The following LIN9 variants were observed in gnomAD, a reference collection of about 807,000 sequenced individuals.
LIN9 encodes protein lin-9 homolog.
In LIN9, 18 loss-of-function variants were observed where a neutral mutation model predicts 78.0. The observed-to-expected ratio is 0.23, with a 90% CI of 0.16 to 0.34. The LOEUF (loss-of-function observed/expected upper bound fraction) is 0.34, where lower values mean the gene tolerates loss of function less well. Ranked by LOEUF, LIN9 falls within the 10% of genes least tolerant of loss-of-function variation. The probability of loss-of-function intolerance (pLI) is 1.00; values close to 1 mark genes in which losing one functional copy is unlikely to be tolerated. For missense variants in LIN9, 451 were observed against 644.1 expected (o/e 0.70, Z 3.25); for synonymous variants, 192 against 215.2 (o/e 0.89, Z 0.94).
intron 10 of LIN9, among the ~76,000 whole-genome samples, chr1:226,262,752 C>G (rs1659670019): frequency 6.6e-6 from 1 of 152,198 alleles, no homozygotes; most frequent in Non-Finnish European, 1.5e-5. Context: ...TAAGCATACT[C>G]TTACCATATG....
chr1:226,232,631 A>C, intron 14 of LIN9, 25 bp from the exon 15 acceptor site: 8 of 1,428,418 alleles, frequency 5.6e-6, no homozygotes, highest in Non-Finnish European at 7.7e-6. Context: ...AACATGGTTA[A>C]CTACTTTATT....
chr1:226,274,273 T>C (rs979262847), intron 7 of LIN9, among the ~76,000 whole-genome samples: 5 of 152,256 alleles, frequency 3.3e-5, no homozygotes, highest in Non-Finnish European at 7.3e-5. Flanking sequence ...TTACATAAGA[T>C]ATCATGTAAT....
At chr1:226,264,618 G>T (rs1011216148) in intron 10 of LIN9, among the ~76,000 whole-genome samples, 5 of 152,108 alleles carry the variant, frequency 3.3e-5, no homozygotes, top group East Asian at 3.9e-4. Flanking sequence ...GGCCAAGGTG[G>T]GGGGATCACT....
At chr1:226,277,232 A>C (rs1448802369) in intron 7 of LIN9, among the ~76,000 whole-genome samples, 1 of 151,404 alleles carries the variant, frequency 6.6e-6, no homozygotes, top group African/African-American at 2.4e-5. Context: ...AAAAAAAAAA[A>C]AAAACTTTAA....
At chr1:226,295,432 G>C (rs1173336087) in intron 4 of LIN9, among the ~76,000 whole-genome samples, 3 of 151,942 alleles carry the variant, frequency 2.0e-5, no homozygotes, top group Non-Finnish European at 4.4e-5. Flanking sequence ...CTGGGCGACA[G>C]AGTGAGACTC....
intron 11 of LIN9, among the ~76,000 whole-genome samples, chr1:226,245,933 TCTTTTA>T (rs1300496060): frequency 6.6e-6 from 1 of 152,220 alleles, no homozygotes; most frequent in African/African-American, 2.4e-5. Flanking sequence ...TAAATATTCA[TCTTTTA>T]CTATTATTTT....
At chr1:226,282,105 C>A (rs1661103205) in intron 6 of LIN9, among the ~76,000 whole-genome samples, 1 of 152,098 alleles carries the variant, frequency 6.6e-6, no homozygotes, top group Admixed American at 6.6e-5. Flanking sequence ...GTGTATTTTG[C>A]TTTCTTTTCT....
intron 4 of LIN9, among the ~76,000 whole-genome samples, chr1:226,293,770 C>G (rs1230941682): frequency 6.6e-6 from 1 of 152,140 alleles, no homozygotes; most frequent in Non-Finnish European, 1.5e-5. Context: ...GTTGGCCAGA[C>G]TCGTCTCAAA....
intron 7 of LIN9, among the ~76,000 whole-genome samples, chr1:226,275,693 G>GAAAAAAAA (rs1272770989): frequency 3.8e-4 from 49 of 128,648 alleles, no homozygotes; most frequent in Non-Finnish European, 5.5e-4. Context: ...CTCCGTCTCA[G>GAAAAAAAA]AAAAAAAAAA....
intron 7 of LIN9, among the ~76,000 whole-genome samples, chr1:226,277,509 C>T (rs1162501594): frequency 1.3e-5 from 2 of 152,086 alleles, no homozygotes; most frequent in Non-Finnish European, 2.9e-5. Flanking sequence ...CCCATGTGTA[C>T]GTGTAAACAC....
upstream of LIN9, chr1:226,309,336 C>T: frequency 5.0e-6 from 5 of 994,330 alleles, no homozygotes; most frequent in Non-Finnish European, 6.0e-6. Flanking sequence ...CGAAGGGGGG[C>T]CGCGCCTCGC....
chr1:226,283,317 G>T lies in LIN9; in HGVS notation c.524+3016C>A, dbSNP rs577729924. Among the ~76,000 whole-genome samples, 70 of 139,024 alleles carry T rather than the reference G, an allele frequency of 5.0e-4. 1 individual carries two copies. Among genetic ancestry groups the T allele is most frequent in the African/African-American group, 1.8e-3 (65 of 37,008 alleles). The allele number at this position is 139,024 out of a possible 152,430, so 91.2% of individuals were successfully genotyped here. On this transcript the variant is annotated intron_variant, in intron 6 of 14. Coordinates refer to ENST00000681046, the MANE Select transcript of LIN9 (RefSeq NM_001366245.2). ...TTTTTTTTTTTTTTGGTGGAGATGG[G>T]GTCTCACCATGGTGCCCAGGCTGGT...
intron 3 of LIN9, among the ~76,000 whole-genome samples, chr1:226,296,342 C>G (rs1662145262): frequency 6.6e-6 from 1 of 151,986 alleles, no homozygotes; most frequent in South Asian, 2.1e-4. Flanking sequence ...TGGGCTGGGC[C>G]AAAGGTTCTA....
chr1:226,234,578 G>A (rs1221314407), intron 12 of LIN9, among the ~76,000 whole-genome samples: 4 of 152,090 alleles, frequency 2.6e-5, no homozygotes, highest in Admixed American at 6.6e-5. Flanking sequence ...AAGGTGGGCC[G>A]GGCTCATCTT....
intron 7 of LIN9, 49 bp downstream of exon 7, chr1:226,277,726 T>C (rs769468524): frequency 2.6e-6 from 4 of 1,509,510 alleles, no homozygotes; most frequent in South Asian, 1.2e-5. Context: ...AAAGATTACC[T>C]TGATTAAAAA....
chr1:226,233,498 G>A lies in LIN9; in HGVS notation c.1271C>T (p.Pro424Leu). ...YELAPDQGLQ[P>L]ADQPTDMRRR... ...TCTCATATCTGTTGGCTGATCTGCA[G>A]GCTGGAGCCCCTGGTCTGGAGCAAG... Residue 424 changes from proline to leucine, a missense_variant, in exon 13 of 15, where the codon CCT becomes CTT. Transcript: ENST00000681046. 1 of 1,613,794 alleles carries A rather than the reference G, an allele frequency of 6.2e-7. No homozygotes were observed. The highest frequency in any genetic ancestry group is 8.5e-7 in the Non-Finnish European group (1 of 1,179,898).
At chr1:226,242,680 G>A (rs1184215952) in intron 11 of LIN9, among the ~76,000 whole-genome samples, 6 of 151,920 alleles carry the variant, frequency 3.9e-5, no homozygotes, top group African/African-American at 9.7e-5. Context: ...CTACCAGATC[G>A]TATAGATGCA....
At chr1:226,282,944 T>C (rs1205181095) in intron 6 of LIN9, among the ~76,000 whole-genome samples, 2 of 152,232 alleles carry the variant, frequency 1.3e-5, no homozygotes, top group South Asian at 2.1e-4. Flanking sequence ...TCCTTTCCTA[T>C]CAATTACCTG....
chr1:226,287,335 C>T (rs1395745196), intron 5 of LIN9, among the ~76,000 whole-genome samples: 1 of 152,176 alleles, frequency 6.6e-6, no homozygotes, highest in Non-Finnish European at 1.5e-5. Context: ...TATACCAGCA[C>T]TTAACATCTC....
Sources: allele counts gnomAD v4.1 joint callset (sites outside exome capture counted in the v4.1 genomes callset), GRCh38; gene constraint gnomAD v4.1.1; transcripts MANE v1.5; gene names NCBI Gene and HGNC (gene_info 2026-07-23, HGNC 2026-07-21).